Variants in CAST observed in about 807,000 individuals in gnomAD.
CAST encodes calpastatin.
CAST carries 76 observed loss-of-function variants against 119.6 expected under a neutral mutation model. The ratio of observed to expected loss-of-function variants is 0.64; its 90% CI spans 0.53 to 0.77. The LOEUF is 0.77. Among genes scored for constraint, CAST ranks in the 30% least tolerant of loss-of-function variants. CAST has a pLI of 0.00. For synonymous variants in CAST, 319 were observed against 331.6 expected, an observed-to-expected ratio of 0.96 and a Z score of 0.41; for missense variants, 953 against 946.5, an observed-to-expected ratio of 1.01 and a Z score of -0.09.
At chr5:96,362,213 T>A in the CAST span, among the ~76,000 whole-genome samples, 4 of 152,182 alleles carry the variant, frequency 2.6e-5, no homozygotes, top group Admixed American at 6.5e-5. Context: ...TGTGCCACAT[T>A]TTCTTAATCC....
At chr5:96,515,347 C>T in the CAST span, among the ~76,000 whole-genome samples, 2 of 151,234 alleles carry the variant, frequency 1.3e-5, no homozygotes, top group Admixed American at 6.6e-5. Context: ...TCCATCTAGC[C>T]TGTTTCCTGC....
At chr5:95,970,633 C>G in the CAST span, among the ~76,000 whole-genome samples, 1 of 152,164 alleles carries the variant, frequency 6.6e-6, no homozygotes, top group African/African-American at 2.4e-5. Context: ...TTGCATAGTA[C>G]TAACAGAGAT....
At chr5:96,388,270 T>C in the CAST span, among the ~76,000 whole-genome samples, 6 of 152,252 alleles carry the variant, frequency 3.9e-5, no homozygotes, top group Admixed American at 1.3e-4. Context: ...TATGTACATA[T>C]AGCAACAACA....
chr5:96,671,223 T>G (rs1561456772), intron 1 of CAST, among the ~76,000 whole-genome samples: 1 of 152,174 alleles, frequency 6.6e-6, no homozygotes, highest in Non-Finnish European at 1.5e-5. Context: ...CTGTCTTCTA[T>G]GGCCTTGTCC....
the CAST span, among the ~76,000 whole-genome samples, chr5:96,363,897 C>T: frequency 6.6e-6 from 1 of 152,154 alleles, no homozygotes; most frequent in Admixed American, 6.5e-5. Context: ...GAGAGGGCAT[C>T]CCTGTCTTTT....
At chr5:96,729,509 C>A in intron 7 of CAST, 103 bp from the exon 8 acceptor site, 1 of 658,458 alleles carries the variant, frequency 1.5e-6, no homozygotes, top group Non-Finnish European at 2.8e-6. Flanking sequence ...CTGTTATGAA[C>A]AATTTTTATT....
chr5:96,022,317 A>G, the CAST span, among the ~76,000 whole-genome samples: 1 of 152,254 alleles, frequency 6.6e-6, no homozygotes, highest in Non-Finnish European at 1.5e-5. Flanking sequence ...ATATAACAAA[A>G]AAAATCTAAT....
intron 29 of CAST, 86 bp downstream of exon 29, chr5:96,768,085 A>G (rs1263932887): frequency 5.6e-6 from 5 of 897,488 alleles, no homozygotes; most frequent in Middle Eastern, 2.1e-4. Context: ...TGATTGATCT[A>G]TCTATCGGTC....
chr5:96,010,690 G>C, the CAST span, among the ~76,000 whole-genome samples: 4 of 152,124 alleles, frequency 2.6e-5, no homozygotes, highest in African/African-American at 4.8e-5. Context: ...AAATTGCTTT[G>C]GACAGTATGA....
the CAST span, among the ~76,000 whole-genome samples, chr5:96,203,019 T>TC: frequency 1.3e-5 from 2 of 152,100 alleles, no homozygotes; most frequent in Admixed American, 1.3e-4. Flanking sequence ...TACTCACAGT[T>TC]CCCACCATCT....
At chr5:96,186,992 G>T in the CAST span, among the ~76,000 whole-genome samples, 1 of 152,126 alleles carries the variant, frequency 6.6e-6, no homozygotes, top group Admixed American at 6.5e-5. Flanking sequence ...GCTTCGTTTT[G>T]TTGGTAGGAT....
the CAST span, among the ~76,000 whole-genome samples, chr5:96,360,746 C>T: frequency 2.0e-5 from 3 of 152,214 alleles, no homozygotes; most frequent in Non-Finnish European, 2.9e-5. Flanking sequence ...AGCTGGAGCT[C>T]TCCTCTATGA....
intron 1 of CAST, among the ~76,000 whole-genome samples, chr5:96,601,326 G>A (rs1327568332): frequency 6.6e-6 from 1 of 152,182 alleles, no homozygotes; most frequent in Non-Finnish European, 1.5e-5. Context: ...CCTAACAGAA[G>A]GAAATACCTA....
chr5:96,358,717 C>A, the CAST span, among the ~76,000 whole-genome samples: 2,314 of 152,196 alleles, frequency 0.015, 67 homozygotes, highest in African/African-American at 0.053. Context: ...AATTTCCATT[C>A]TTTTGCATTG....
chr5:96,225,432 T>C, the CAST span, among the ~76,000 whole-genome samples: 3 of 152,300 alleles, frequency 2.0e-5, no homozygotes, highest in Non-Finnish European at 4.4e-5. Flanking sequence ...TAAAACTGTA[T>C]GCAATTTATA....
intron 16 of CAST, among the ~76,000 whole-genome samples, chr5:96,744,001 CAT>C (rs1181091174): frequency 6.6e-6 from 1 of 152,104 alleles, no homozygotes; most frequent in African/African-American, 2.4e-5. Flanking sequence ...AGGGTATAAA[CAT>C]GTCATAAACC....
At chr5:96,419,327 A>ATAT in the CAST span, among the ~76,000 whole-genome samples, 1 of 141,574 alleles carries the variant, frequency 7.1e-6, no homozygotes, top group Non-Finnish European at 1.5e-5. Context: ...ATATATATAT[A>ATAT]AAACCTCACT....
At chr5:96,138,136 G>A in the CAST span, among the ~76,000 whole-genome samples, 1 of 151,826 alleles carries the variant, frequency 6.6e-6, no homozygotes, top group African/African-American at 2.4e-5. Flanking sequence ...ATTTAAGTCT[G>A]GGATCCAGTT....
chr5:96,467,973 C>T, the CAST span, among the ~76,000 whole-genome samples: 32 of 152,006 alleles, frequency 2.1e-4, no homozygotes, highest in Non-Finnish European at 4.4e-4. Context: ...TGCAAAGATA[C>T]GGAACCAACC....
Sources: allele counts gnomAD v4.1 joint callset (sites outside exome capture counted in the v4.1 genomes callset), GRCh38; gene constraint gnomAD v4.1.1; transcripts MANE v1.5; gene names NCBI Gene and HGNC (gene_info 2026-07-23, HGNC 2026-07-21).